The following HSD17B12 variants were observed in gnomAD, a reference collection of about 807,000 sequenced individuals.
HSD17B12 encodes hydroxysteroid 17-beta dehydrogenase 12.
Under a neutral mutation model 39.3 loss-of-function variants are expected in HSD17B12, and 32 were observed. The ratio of observed to expected loss-of-function variants is 0.81; its 90% CI spans 0.61 to 1.09. The LOEUF is 1.09. HSD17B12 is among the 50% of genes least tolerant of loss of function. HSD17B12 has a pLI of 0.00. For missense variants in HSD17B12, 342 were observed against 382.9 expected (o/e 0.89, Z 0.89); for synonymous variants, 150 against 146.7 (o/e 1.02, Z -0.16).
chr11:43,803,085 G>A (rs1027584861), intron 4 of HSD17B12, among the ~76,000 whole-genome samples: 2 of 152,090 alleles, frequency 1.3e-5, no homozygotes, highest in African/African-American at 4.8e-5. Context: ...TTTTACACAT[G>A]GATTGTAATT....
chr11:43,759,712 TTTTCG>T (rs1175410138), intron 3 of HSD17B12, among the ~76,000 whole-genome samples: 2 of 152,004 alleles, frequency 1.3e-5, no homozygotes, highest in African/African-American at 4.8e-5. Context: ...CTTCCTTCTC[TTTTCG>T]TTTCATTTCT....
Position 43,830,985 on chromosome 11 carries a change from T to C in HSD17B12, c.511T>C (p.Leu171=). 3 of 1,607,426 alleles carry C rather than the reference T, an allele frequency of 1.9e-6. No individual in the cohort carries two copies. Among genetic ancestry groups the C allele is most frequent in the Non-Finnish European group, 2.5e-6 (3 of 1,176,778 alleles). Residue 171 remains leucine, a synonymous_variant, in exon 7 of 11, where the codon TTG becomes CTG. Coordinates refer to ENST00000278353, the MANE Select transcript of HSD17B12 (RefSeq NM_016142.3). ...NILSVCKMTQ[L]VLPGMVERSK... is the part of the protein sequence containing the mutation. ...GCTTTCTCTCTTGCAGATGACACAA[T>C]TGGTACTGCCTGGCATGGTGGAAAG...
chr11:43,577,940 G>A, the HSD17B12 span, among the ~76,000 whole-genome samples: 6 of 152,228 alleles, frequency 3.9e-5, no homozygotes, highest in African/African-American at 1.4e-4. Context: ...GACCCAGACT[G>A]AGATTCAGTG....
chr11:43,779,220 G>T (rs1374347791), intron 3 of HSD17B12, among the ~76,000 whole-genome samples: 4 of 152,124 alleles, frequency 2.6e-5, no homozygotes. Flanking sequence ...TAGTGGAGAG[G>T]ACATGGTGTG....
chr11:43,832,432 C>A (rs1678419223), intron 7 of HSD17B12, among the ~76,000 whole-genome samples: 1 of 152,156 alleles, frequency 6.6e-6, no homozygotes. Context: ...CATTTTACAG[C>A]ATAAAGTCTT....
chr11:43,680,355 A>G (rs1949728742), upstream of HSD17B12, among the ~76,000 whole-genome samples: 5 of 152,160 alleles, frequency 3.3e-5, no homozygotes, highest in South Asian at 1.0e-3. Context: ...TACAGGTGTT[A>G]GCCACCGCGC....
chr11:43,829,638 G>C (rs1281485559), intron 6 of HSD17B12: 1 of 152,068 alleles, frequency 6.6e-6, no homozygotes, highest in Non-Finnish European at 1.5e-5. Flanking sequence ...ACTCCACTTA[G>C]CTGCTTTATA....
intron 3 of HSD17B12, among the ~76,000 whole-genome samples, chr11:43,776,269 G>GT (rs1214276709): frequency 6.6e-6 from 1 of 152,126 alleles, no homozygotes; most frequent in Non-Finnish European, 1.5e-5. Context: ...AGCACCTGTT[G>GT]TTTCCTGACT....
At chr11:43,744,906 C>T (rs1398763396) in intron 1 of HSD17B12, among the ~76,000 whole-genome samples, 1 of 152,170 alleles carries the variant, frequency 6.6e-6, no homozygotes, top group African/African-American at 2.4e-5. Context: ...GGTAAGGGAG[C>T]CCAACCTTTG....
chr11:43,713,902 C>T (rs895235083), intron 1 of HSD17B12, among the ~76,000 whole-genome samples: 2 of 152,044 alleles, frequency 1.3e-5, no homozygotes, highest in Admixed American at 6.6e-5. Context: ...TTTTCATGTG[C>T]CTGTTGGCTG....
At chr11:43,665,503 G>T in the HSD17B12 span, among the ~76,000 whole-genome samples, 1 of 152,140 alleles carries the variant, frequency 6.6e-6, no homozygotes, top group Admixed American at 6.5e-5. Flanking sequence ...ACAGGAGTGA[G>T]CCACCATGCC....
At chr11:43,768,995 C>T (rs547857091) in intron 3 of HSD17B12, among the ~76,000 whole-genome samples, 84 of 152,334 alleles carry the variant, frequency 5.5e-4, no homozygotes, top group African/African-American at 1.9e-3. Context: ...ACGAAGTCCC[C>T]ACCAGACTCA....
At chr11:43,701,317 G>A (rs946226968) in intron 1 of HSD17B12, among the ~76,000 whole-genome samples, 2 of 152,060 alleles carry the variant, frequency 1.3e-5, no homozygotes, top group Admixed American at 1.3e-4. Context: ...ATCCTTTGCT[G>A]TGCAGAAGCT....
At chr11:43,667,363 G>A in the HSD17B12 span, among the ~76,000 whole-genome samples, 3 of 152,108 alleles carry the variant, frequency 2.0e-5, no homozygotes, top group African/African-American at 7.2e-5. Context: ...TGTTGACCAG[G>A]CTGGTCTTGA....
At chr11:43,662,258 G>A in the HSD17B12 span, among the ~76,000 whole-genome samples, 463 of 149,958 alleles carry the variant, frequency 3.1e-3, 3 homozygotes, top group African/African-American at 0.01. Flanking sequence ...GAGTGCAGTG[G>A]TGCAATCTTA....
At chr11:43,752,048 C>T (rs1193759896) in intron 2 of HSD17B12, among the ~76,000 whole-genome samples, 1 of 152,154 alleles carries the variant, frequency 6.6e-6, no homozygotes, top group Non-Finnish European at 1.5e-5. Context: ...TGTCATGTCT[C>T]TTAGTCTCCA....
intron 1 of HSD17B12, among the ~76,000 whole-genome samples, chr11:43,718,494 C>T (rs1950146545): frequency 1.3e-5 from 2 of 152,178 alleles, no homozygotes; most frequent in African/African-American, 4.8e-5. Flanking sequence ...CTCTGTCTCC[C>T]ATCCCCCATC....
chr11:43,726,848 G>A (rs1316104976), intron 1 of HSD17B12, among the ~76,000 whole-genome samples: 1 of 152,148 alleles, frequency 6.6e-6, no homozygotes, highest in Non-Finnish European at 1.5e-5. Context: ...ATGGTCCACT[G>A]TTAAAACCTG....
At chr11:43,577,082 A>G in the HSD17B12 span, among the ~76,000 whole-genome samples, 1 of 150,666 alleles carries the variant, frequency 6.6e-6, no homozygotes, top group Non-Finnish European at 1.5e-5. Context: ...CCTTTGACAA[A>G]CCTCCCTTTT....
Sources: gnomAD v4.1 joint callset for allele counts (sites outside exome capture counted in the v4.1 genomes callset) on GRCh38, gnomAD v4.1.1 for gene constraint, MANE v1.5 for transcripts, NCBI Gene and HGNC (gene_info 2026-07-23, HGNC 2026-07-21) for gene names.